XRCC5: variants seen among roughly 807,000 people sequenced by gnomAD.
The protein encoded by XRCC5 is DNA repair protein Ku80.
In XRCC5, 12 loss-of-function variants were observed where a neutral mutation model predicts 95.7. The observed-to-expected ratio is 0.13, with a 90% CI of 0.08 to 0.20. XRCC5 has a LOEUF of 0.20. XRCC5 is among the 10% of genes least tolerant of loss of function. The probability of loss-of-function intolerance (pLI) is 1.00; values close to 1 mark genes in which losing one functional copy is unlikely to be tolerated. For synonymous variants in XRCC5, 281 were observed against 290.3 expected (o/e 0.97, Z 0.33); for missense variants, 595 against 873.9 (o/e 0.68, Z 4.02).
chr2:216,125,907 C>CT lies in XRCC5; in HGVS notation c.684-7dup. 6.2e-7 allele frequency: 1 copy of CT among 1,605,404 alleles called. No individual in the cohort carries two copies. The highest frequency in any genetic ancestry group is 8.5e-7 in the Non-Finnish European group (1 of 1,173,082). On this transcript the variant is annotated splice_polypyrimidine_tract_variant and intron_variant, in intron 6 of 20. Coordinates refer to ENST00000392132, the MANE Select transcript of XRCC5 (RefSeq NM_021141.4). ...ATTGTTGCTTTCATTTTATATTTTT[C>CT]TTTATTAAGTGAGAGTCTGAGAAAA... is the stretch of plus-strand genomic sequence containing the variant.
intron 12 of XRCC5, among the ~76,000 whole-genome samples, chr2:216,140,393 A>G (rs1037465348): frequency 1.3e-5 from 2 of 152,246 alleles, no homozygotes; most frequent in African/African-American, 4.8e-5. Flanking sequence ...AATCAGTAAA[A>G]TGAAAGTTAC....
intron 15 of XRCC5, among the ~76,000 whole-genome samples, chr2:216,160,533 A>G (rs1336424392): frequency 1.3e-5 from 2 of 152,174 alleles, no homozygotes; most frequent in African/African-American, 4.8e-5. Context: ...TTAAGTTAGT[A>G]TAACTTTCCT....
Position 216,143,832 on chromosome 2 carries a change from G to A in XRCC5, c.1476+2513G>A, listed in dbSNP as rs568197724. 2.6e-5 allele frequency among the ~76,000 whole-genome samples: 4 copies of A among 151,248 alleles called. No individual in the cohort carries two copies. In the East Asian group the frequency reaches 5.8e-4, roughly 22 times the overall value. Reference sequence around the variant, plus strand: ...CACCATTCTCCTGCCTCAGCCTCCCGAGTAGCTGGGACTACAGATGCCCGC... The same window carrying A: ...CACCATTCTCCTGCCTCAGCCTCCCAAGTAGCTGGGACTACAGATGCCCGC... On this transcript the variant is annotated intron_variant, in intron 13 of 20. Coordinates refer to ENST00000392132, the MANE Select transcript of XRCC5 (RefSeq NM_021141.4).
chr2:216,144,852 G>A (rs191441164), intron 13 of XRCC5, among the ~76,000 whole-genome samples: 2 of 152,300 alleles, frequency 1.3e-5, no homozygotes, highest in Non-Finnish European at 2.9e-5. Context: ...GAACAAAGTA[G>A]AGAACTGCAA....
At chr2:216,191,235 A>G (rs1008052172) in intron 17 of XRCC5, among the ~76,000 whole-genome samples, 2 of 152,102 alleles carry the variant, frequency 1.3e-5, no homozygotes, top group African/African-American at 4.8e-5. Flanking sequence ...TTAAAGCACT[A>G]CCCAGGCTAG....
chr2:216,152,912 C>T (rs1255103867), intron 14 of XRCC5, among the ~76,000 whole-genome samples: 2 of 152,078 alleles, frequency 1.3e-5, no homozygotes, highest in Non-Finnish European at 2.9e-5. Context: ...ATAATTTCTT[C>T]TCTCTTTCTG....
chr2:216,132,537 A>T, intron 10 of XRCC5, 150 bp downstream of exon 10: 1 of 766,338 alleles, frequency 1.3e-6, no homozygotes, highest in Admixed American at 2.4e-5. Context: ...GAAAATGGAG[A>T]TGTGGTAAAT....
intron 7 of XRCC5, among the ~76,000 whole-genome samples, chr2:216,126,481 T>C (rs1432889066): frequency 1.3e-5 from 2 of 152,230 alleles, no homozygotes; most frequent in African/African-American, 4.8e-5. Context: ...AATGTTTTGT[T>C]ACTGTAAAAT....
At chr2:216,154,770 C>T (rs1269010117) in intron 14 of XRCC5, among the ~76,000 whole-genome samples, 1 of 152,042 alleles carries the variant, frequency 6.6e-6, no homozygotes, top group East Asian at 1.9e-4. Context: ...TCACAGATTC[C>T]TTGATGTCAT....
chr2:216,127,100 C>A (rs920192704), intron 7 of XRCC5, among the ~76,000 whole-genome samples: 1 of 152,048 alleles, frequency 6.6e-6, no homozygotes, highest in Non-Finnish European at 1.5e-5. Context: ...AATAGCCAGG[C>A]ATGGTGATGT....
chr2:216,172,490 A>ATTTTTTTTTTTTTTTTTTTT (rs1689187332), intron 16 of XRCC5, among the ~76,000 whole-genome samples: 1 of 26,000 alleles, frequency 3.8e-5, no homozygotes, highest in Admixed American at 2.1e-4. Flanking sequence ...TTTTTTTGAG[A>ATTTTTTTTTTTTTTTTTTTT]CAAAGTCTCA....
rs148653325 is a variant in XRCC5 at position 216,127,688 on chromosome 2, A to G, written c.937+14A>G. On this transcript the variant is annotated intron_variant, in intron 8 of 20. Coordinates refer to ENST00000392132, the MANE Select transcript of XRCC5 (RefSeq NM_021141.4). Reference sequence around the variant, plus strand: ...ATATTATTCAAGGTATGTCAGTAAGAGTTTTCACTGTTGCCTAAAAGACAT... The same window carrying G: ...ATATTATTCAAGGTATGTCAGTAAGGGTTTTCACTGTTGCCTAAAAGACAT... 494 of 1,583,132 alleles carry G rather than the reference A, an allele frequency of 3.1e-4. 4 individuals are homozygous for G. In the African/African-American group the frequency reaches 6.2e-3, roughly 20 times the overall value.
chr2:216,161,324 G>A (rs1432527245), intron 15 of XRCC5, among the ~76,000 whole-genome samples: 2 of 152,158 alleles, frequency 1.3e-5, no homozygotes, highest in Non-Finnish European at 2.9e-5. Context: ...TAGGCCCTGT[G>A]AGGGTTGGGG....
Position 216,125,920 on chromosome 2 carries a change from G to A in XRCC5, c.687G>A (p.Glu229=), listed in dbSNP as rs375190614. Residue 229 remains glutamate, a synonymous_variant, in exon 7 of 21, where the codon GAG becomes GAA. Transcript: ENST00000392132. ...DGLDEIYSFS[E]SLRKLCVFKK... is the part of the protein sequence containing the mutation. The stretch of plus-strand genomic sequence containing the variant: ...TTTTATATTTTTCTTTATTAAGTGA[G>A]AGTCTGAGAAAACTGTGCGTCTTCA... 1 of 1,612,426 alleles carries A rather than the reference G, an allele frequency of 6.2e-7. No individual in the cohort carries two copies. The highest frequency in any genetic ancestry group is 8.5e-7 in the Non-Finnish European group (1 of 1,178,740).
At chr2:216,132,435 A>C (rs1559242126) in intron 10 of XRCC5, 48 bp downstream of exon 10, 2 of 1,577,090 alleles carry the variant, frequency 1.3e-6, no homozygotes, top group African/African-American at 2.7e-5. Flanking sequence ...ATTGAATTGT[A>C]AGTCTATGAA....
intron 16 of XRCC5, among the ~76,000 whole-genome samples, chr2:216,180,407 C>A (rs551449675): frequency 1.3e-5 from 2 of 152,356 alleles, no homozygotes; most frequent in African/African-American, 4.8e-5. Context: ...GGGTGGATCA[C>A]TTGAAGCCAG....
chr2:216,116,865 G>T (rs760972885), intron 3 of XRCC5, 23 bp downstream of exon 3: 11 of 1,609,048 alleles, frequency 6.8e-6, no homozygotes, highest in Middle Eastern at 3.3e-4. Context: ...TGCCAGAGAA[G>T]ACTTTAAGAA....
chr2:216,204,091 C>T (rs1689895831), intron 19 of XRCC5: 11 of 530,764 alleles, frequency 2.1e-5, no homozygotes, highest in South Asian at 1.0e-4. Context: ...TCTTCGTGAG[C>T]ACTTTCTCTG....
In XRCC5 at chr2:216,137,168, C is replaced by G; in HGVS notation, c.1194C>G (p.Asp398Glu). The change falls in exon 11 of 21, where the codon GAC (aspartate) becomes GAG (glutamate). Residue 398 changes from aspartate (D) to glutamate (E), a missense_variant. This residue lies in a region of XRCC5 where 286 missense variants were observed against 491.1 expected (regional missense o/e 0.58). Coordinates refer to ENST00000392132, the MANE Select transcript of XRCC5 (RefSeq NM_021141.4). ...DMVAIVRYAY[D>E]KRANPQVGVA... ...TGGCCATAGTTCGATATGCTTATGA[C>G]AAAAGAGCTAATCCTCAAGTCGGCG... 1 of 1,613,870 alleles carries G rather than the reference C, an allele frequency of 6.2e-7. No individual in the cohort carries two copies. Among genetic ancestry groups the G allele is most frequent in the Non-Finnish European group, 8.5e-7 (1 of 1,179,846 alleles).
Sources: gnomAD v4.1 joint callset for allele counts (sites outside exome capture counted in the v4.1 genomes callset) on GRCh38, gnomAD v4.1.1 for gene constraint, gnomAD v4.1.1 regional missense constraint, MANE v1.5 for transcripts, NCBI Gene and HGNC (gene_info 2026-07-23, HGNC 2026-07-21) for gene names.